The following COL25A1 variants were observed in gnomAD, a reference collection of about 807,000 sequenced individuals.
COL25A1 encodes the protein collagen alpha-1(XXV) chain.
A neutral mutation model predicts 128.4 loss-of-function variants in COL25A1; 103 were observed. That is an observed-to-expected ratio of 0.80 (90% confidence interval 0.68 to 0.94). The LOEUF is 0.94. COL25A1 is among the 40% of genes least tolerant of loss of function. The pLI, the probability that COL25A1 is intolerant of heterozygous loss-of-function variation, is 0.00. For synonymous variants in COL25A1, 279 were observed against 277.2 expected (o/e 1.01, Z -0.06); for missense variants, 745 against 840.0 (o/e 0.89, Z 1.40).
chr4:109,089,882 G>C (rs1764744725), intron 3 of COL25A1, among the ~76,000 whole-genome samples: 1 of 151,996 alleles, frequency 6.6e-6, no homozygotes, highest in Non-Finnish European at 1.5e-5. Flanking sequence ...TGGGATTACA[G>C]GTGTGAGCCA....
intron 3 of COL25A1, among the ~76,000 whole-genome samples, chr4:109,152,652 T>C (rs535638674): frequency 5.9e-5 from 9 of 152,316 alleles, no homozygotes; most frequent in African/African-American, 1.4e-4. Flanking sequence ...AAACCAAATG[T>C]GGTATATACG....
intron 8 of COL25A1, among the ~76,000 whole-genome samples, chr4:108,955,581 A>G (rs1337215886): frequency 6.6e-6 from 1 of 152,194 alleles, no homozygotes; most frequent in Non-Finnish European, 1.5e-5. Flanking sequence ...AAGGAAGTGA[A>G]AGTCAATCCA....
At chr4:109,148,230 GTGAC>G (rs1771139887) in intron 3 of COL25A1, among the ~76,000 whole-genome samples, 1 of 152,090 alleles carries the variant, frequency 6.6e-6, no homozygotes, top group South Asian at 2.1e-4. Context: ...GCAAATCTTA[GTGAC>G]TAACTCTTAA....
At chr4:108,875,612 T>C (rs1739352739) in intron 19 of COL25A1, among the ~76,000 whole-genome samples, 1 of 152,184 alleles carries the variant, frequency 6.6e-6, no homozygotes, top group African/African-American at 2.4e-5. Flanking sequence ...ACACTGTTGG[T>C]GGGACTGTAA....
At chr4:109,049,290 C>T (rs1265853753) in intron 4 of COL25A1, among the ~76,000 whole-genome samples, 2 of 152,114 alleles carry the variant, frequency 1.3e-5, no homozygotes, top group Non-Finnish European at 2.9e-5. Flanking sequence ...ATTACTTTAT[C>T]TTGCATGTAA....
intron 29 of COL25A1, among the ~76,000 whole-genome samples, chr4:108,844,884 C>T (rs190870948): frequency 5.9e-5 from 9 of 152,298 alleles, no homozygotes; most frequent in Admixed American, 5.2e-4. Context: ...ATAAGCAGGG[C>T]TCTGGAGAAA....
chr4:108,952,831 CTTTT>C (rs59761040), intron 8 of COL25A1, among the ~76,000 whole-genome samples: 6 of 66,958 alleles, frequency 9.0e-5, no homozygotes, highest in African/African-American at 3.4e-4. Context: ...AAAAACTCAA[CTTTT>C]TTTTTTTTTT....
chr4:109,022,788 A>G (rs1945141648), intron 5 of COL25A1, among the ~76,000 whole-genome samples: 1 of 152,200 alleles, frequency 6.6e-6, no homozygotes, highest in South Asian at 2.1e-4. Context: ...CAGAGCATAC[A>G]TACATTCACC....
intron 3 of COL25A1, among the ~76,000 whole-genome samples, chr4:109,205,182 G>A (rs1776877474): frequency 6.6e-6 from 1 of 152,180 alleles, no homozygotes; most frequent in African/African-American, 2.4e-5. Flanking sequence ...CAGAAAGCAT[G>A]CTGAATAACA....
chr4:109,119,701 T>G (rs1344347055), intron 3 of COL25A1, among the ~76,000 whole-genome samples: 1 of 151,938 alleles, frequency 6.6e-6, no homozygotes, highest in Non-Finnish European at 1.5e-5. Context: ...CTACCAAACA[T>G]TTAAAAAGAG....
chr4:108,888,866 AT>A (rs1196051864), intron 18 of COL25A1, among the ~76,000 whole-genome samples: 5 of 152,126 alleles, frequency 3.3e-5, no homozygotes, highest in South Asian at 2.1e-4. Context: ...AATTATAGAC[AT>A]TTTTTTCTAT....
At chr4:108,951,394 T>TC (rs2125946782) in intron 8 of COL25A1, among the ~76,000 whole-genome samples, 1 of 151,718 alleles carries the variant, frequency 6.6e-6, no homozygotes, top group Admixed American at 6.6e-5. Context: ...TTTTTTCTTT[T>TC]TTTTTTTTTT....
intron 8 of COL25A1, among the ~76,000 whole-genome samples, chr4:108,962,099 G>C (rs879383524): frequency 6.6e-6 from 1 of 151,980 alleles, no homozygotes; most frequent in Non-Finnish European, 1.5e-5. Context: ...CATCCCACAG[G>C]CTTCAAGCCA....
chr4:109,069,214 CTT>C (rs935211910), intron 3 of COL25A1, among the ~76,000 whole-genome samples: 9 of 140,464 alleles, frequency 6.4e-5, no homozygotes, highest in Non-Finnish European at 7.8e-5. Context: ...AATTAGTTTT[CTT>C]TTTTTTTTTT....
At chr4:109,079,021 T>C (rs1228391599) in intron 3 of COL25A1, among the ~76,000 whole-genome samples, 2 of 152,330 alleles carry the variant, frequency 1.3e-5, no homozygotes, top group Non-Finnish European at 1.5e-5. Flanking sequence ...CTACAGAGTC[T>C]TGTGGTCAGA....
At chr4:108,864,751 T>C (rs1038500718) in intron 20 of COL25A1, among the ~76,000 whole-genome samples, 6 of 152,234 alleles carry the variant, frequency 3.9e-5, no homozygotes, top group Non-Finnish European at 5.9e-5. Flanking sequence ...TAATTATTGC[T>C]GTTAATGACT....
intron 3 of COL25A1, among the ~76,000 whole-genome samples, chr4:109,089,243 A>G (rs949547292): frequency 1.8e-4 from 27 of 152,362 alleles, no homozygotes; most frequent in African/African-American, 6.5e-4. Flanking sequence ...CCATTTAATC[A>G]TCCTGGCAAA....
intron 3 of COL25A1, among the ~76,000 whole-genome samples, chr4:109,273,327 T>C (rs1560964513): frequency 6.6e-6 from 1 of 152,184 alleles, no homozygotes; most frequent in African/African-American, 2.4e-5. Context: ...ATATCCCCAA[T>C]TGTTTATTAA....
chr4:109,238,755 T>C (rs1298288427), intron 3 of COL25A1, among the ~76,000 whole-genome samples: 2 of 152,060 alleles, frequency 1.3e-5, no homozygotes, highest in African/African-American at 2.4e-5. Flanking sequence ...GTTTTCCCCA[T>C]TCCTAGCCCA....
Sources: allele counts gnomAD v4.1 joint callset (sites outside exome capture counted in the v4.1 genomes callset), GRCh38; gene constraint gnomAD v4.1.1; transcripts MANE v1.5; gene names NCBI Gene and HGNC (gene_info 2026-07-23, HGNC 2026-07-21).